TENM4: variants seen among roughly 807,000 people sequenced by gnomAD.
The protein encoded by TENM4 is teneurin-4.
In TENM4, 82 loss-of-function variants were observed where a neutral mutation model predicts 243.3. The observed-to-expected ratio is 0.34, with a 90% CI of 0.28 to 0.40. TENM4 has a LOEUF of 0.40. Ranked by LOEUF, TENM4 falls within the 10% of genes least tolerant of loss-of-function variation. TENM4 has a pLI of 1.00. For missense variants in TENM4, 3,138 were observed against 3,673.3 expected (o/e 0.85, Z 3.77); for synonymous variants, 1,412 against 1,456.3 (o/e 0.97, Z 0.69).
At chr11:79,338,371 ACTCCCGT>A (rs1857188114) in intron 1 of TENM4, among the ~76,000 whole-genome samples, 1 of 152,070 alleles carries the variant, frequency 6.6e-6, no homozygotes, top group African/African-American at 2.4e-5. Flanking sequence ...CTTGGGTTCA[ACTCCCGT>A]TCAGCACTGG....
chr11:79,071,476 G>A (rs912281777), intron 4 of TENM4, among the ~76,000 whole-genome samples: 2 of 151,382 alleles, frequency 1.3e-5, no homozygotes, highest in Non-Finnish European at 2.9e-5. Flanking sequence ...GGGTGGGAGT[G>A]TCTGGGGGGT....
At chr11:78,998,654 G>T (rs1245891255) in intron 6 of TENM4, among the ~76,000 whole-genome samples, 1 of 151,946 alleles carries the variant, frequency 6.6e-6, no homozygotes, top group African/African-American at 2.4e-5. Flanking sequence ...GCACAGTTCT[G>T]CCAGGGTGAA....
chr11:79,041,733 T>C (rs986027162), intron 6 of TENM4, among the ~76,000 whole-genome samples: 11 of 152,230 alleles, frequency 7.2e-5, no homozygotes, highest in Non-Finnish European at 1.5e-4. Flanking sequence ...AATATTTAAT[T>C]TGGTGAGTTA....
At chr11:79,179,300 C>A (rs1159023274) in intron 3 of TENM4, among the ~76,000 whole-genome samples, 1 of 152,152 alleles carries the variant, frequency 6.6e-6, no homozygotes, top group African/African-American at 2.4e-5. Context: ...CAAACGATGG[C>A]CCAGCACATG....
intron 15 of TENM4, among the ~76,000 whole-genome samples, chr11:78,792,835 T>C (rs1040264003): frequency 6.6e-6 from 1 of 152,214 alleles, no homozygotes; most frequent in Non-Finnish European, 1.5e-5. Flanking sequence ...TCTCTGTGTG[T>C]GAACTCTGTA....
intron 2 of TENM4, among the ~76,000 whole-genome samples, chr11:79,295,458 G>A (rs958792751): frequency 6.6e-6 from 1 of 152,198 alleles, no homozygotes; most frequent in Non-Finnish European, 1.5e-5. Flanking sequence ...GGGAAAGGAA[G>A]GAGCCCCAGC....
chr11:79,059,001 A>G (rs1860016950), intron 6 of TENM4, among the ~76,000 whole-genome samples: 1 of 152,208 alleles, frequency 6.6e-6, no homozygotes, highest in African/African-American at 2.4e-5. Flanking sequence ...GGGGCCAAGG[A>G]GAGCAGAGGA....
chr11:79,114,214 G>A (rs1861570701), intron 4 of TENM4, among the ~76,000 whole-genome samples: 1 of 152,108 alleles, frequency 6.6e-6, no homozygotes, highest in Non-Finnish European at 1.5e-5. Flanking sequence ...TGTGAATAAA[G>A]CAGGATACAA....
At chr11:79,252,337 C>T (rs1183445807) in intron 2 of TENM4, among the ~76,000 whole-genome samples, 3 of 152,190 alleles carry the variant, frequency 2.0e-5, no homozygotes, top group African/African-American at 7.2e-5. Flanking sequence ...CGCGTTCACG[C>T]CATTCTCCTG....
chr11:79,338,733 T>G (rs1483600052), intron 1 of TENM4, among the ~76,000 whole-genome samples: 1 of 152,166 alleles, frequency 6.6e-6, no homozygotes, highest in African/African-American at 2.4e-5. Flanking sequence ...GCCAGTCGCT[T>G]GATATTCCTG....
intron 6 of TENM4, among the ~76,000 whole-genome samples, chr11:78,907,564 T>C (rs1318345199): frequency 6.6e-6 from 1 of 152,186 alleles, no homozygotes; most frequent in Non-Finnish European, 1.5e-5. Context: ...GGGCACACTT[T>C]CCTACTTCAC....
At chr11:78,689,018 A>T (rs1337698700) in intron 28 of TENM4, among the ~76,000 whole-genome samples, 1 of 152,180 alleles carries the variant, frequency 6.6e-6, no homozygotes, top group Admixed American at 6.6e-5. Context: ...ATGCATTTTC[A>T]TGTAATCCTC....
chr11:78,789,383 T>G (rs1355385283), intron 15 of TENM4, among the ~76,000 whole-genome samples: 1 of 152,196 alleles, frequency 6.6e-6, no homozygotes, highest in Non-Finnish European at 1.5e-5. Flanking sequence ...CTTGCTCACA[T>G]AGACAAACAC....
At chr11:78,697,268 A>G (rs662625) in intron 28 of TENM4, among the ~76,000 whole-genome samples, 64,915 of 151,932 alleles carry the variant, frequency 0.43, 17,235 homozygotes, top group African/African-American at 0.75. Context: ...TTCTCCCCGG[A>G]GCTGGTGCAT....
Position 79,151,775 on chromosome 11 carries a change from G to A in TENM4, c.-162-2969C>T, listed in dbSNP as rs115023509. 5.3e-3 allele frequency among the ~76,000 whole-genome samples: 807 copies of A among 152,082 alleles called. 12 individuals are homozygous for A. Among genetic ancestry groups the A allele is most frequent in the African/African-American group, 0.018 (763 of 41,502 alleles). On this transcript the variant is annotated intron_variant, in intron 3 of 33. Transcript: ENST00000278550. ...CCTACCCCTCACAATGTATCTCTCT[G>A]TGTTCTCTCTGCTGGCACTTGGTAT...
chr11:79,227,692 T>A (rs1303531128), intron 2 of TENM4, among the ~76,000 whole-genome samples: 4 of 152,104 alleles, frequency 2.6e-5, no homozygotes, highest in African/African-American at 9.7e-5. Flanking sequence ...GCATGGGACT[T>A]TTTTTGCTGT....
At chr11:79,036,625 C>G (rs573280655) in intron 6 of TENM4, among the ~76,000 whole-genome samples, 2 of 152,210 alleles carry the variant, frequency 1.3e-5, no homozygotes, top group African/African-American at 2.4e-5. Flanking sequence ...GATGCAGACA[C>G]CCAAGTTTAG....
In TENM4 at chr11:79,069,963, C is replaced by G; in HGVS notation, c.-19G>C. 4 of 1,542,366 alleles carry G rather than the reference C, an allele frequency of 2.6e-6. No homozygotes were observed. The highest frequency in any genetic ancestry group is 3.5e-6 in the Non-Finnish European group (4 of 1,145,386). On this transcript the variant is annotated 5_prime_UTR_variant, in exon 5 of 34. Transcript: ENST00000278550. The stretch of plus-strand genomic sequence containing the variant: ...CGTCCATGGCCTCCGGCCCGCGCTC[C>G]TCCACATCCACAAACAGGGTCCTCG...
At chr11:79,381,382 A>T (rs1857998968) in intron 1 of TENM4, among the ~76,000 whole-genome samples, 1 of 151,340 alleles carries the variant, frequency 6.6e-6, no homozygotes, top group Admixed American at 6.6e-5. Context: ...CAGCTTTCTA[A>T]ATGCATCAGG....
Sources: allele counts gnomAD v4.1 joint callset (sites outside exome capture counted in the v4.1 genomes callset), GRCh38; gene constraint gnomAD v4.1.1; transcripts MANE v1.5; gene names NCBI Gene and HGNC (gene_info 2026-07-23, HGNC 2026-07-21).